Variants in RAB33A observed in about 807,000 individuals in gnomAD.
RAB33A encodes RAB33A, member RAS oncogene family, also known as ras-related protein Rab-33A.
In RAB33A, 6 loss-of-function variants were observed where a neutral mutation model predicts 12.0. That is an observed-to-expected ratio of 0.50 (90% confidence interval 0.27 to 0.99). The LOEUF is 0.99. Among genes scored for constraint, RAB33A ranks in the 50% least tolerant of loss-of-function variants. RAB33A has a pLI of 0.11. For missense variants in RAB33A, 109 were observed against 192.0 expected (o/e 0.57, Z 2.55); for synonymous variants, 70 against 82.4 (o/e 0.85, Z 0.81).
At chrX:130,169,168 A>T (rs1477350140), upstream of RAB33A, among the ~76,000 whole-genome samples, 5 of 105,946 alleles carry the variant, frequency 4.7e-5, no homozygotes, top group Admixed American at 2.0e-4. Context: ...AGATTGTGTC[A>T]CTGCACTCCA....
the RAB33A span, chrX:130,136,280 C>A: frequency 3.8e-6 from 4 of 1,049,342 alleles, no homozygotes; most frequent in Non-Finnish European, 5.3e-6. Flanking sequence ...AGAATTGGGA[C>A]TTTAAAAAAT....
chrX:130,135,739 A>G, the RAB33A span, among the ~76,000 whole-genome samples: 2 of 112,171 alleles, frequency 1.8e-5, no homozygotes, highest in Admixed American at 9.5e-5. Context: ...CAGCAGATCC[A>G]TCTGAAGGCT....
chrX:130,118,168 A>G, the RAB33A span, among the ~76,000 whole-genome samples: 1 of 112,542 alleles, frequency 8.9e-6, no homozygotes. Flanking sequence ...GGTGGCAGTA[A>G]AGCCAGATTC....
At chrX:130,145,443 G>A in the RAB33A span, 12 of 1,079,191 alleles carry the variant, frequency 1.1e-5, no homozygotes, top group African/African-American at 7.3e-5. Flanking sequence ...GGGCAAGTAC[G>A]TAGAGCCTGA....
the RAB33A span, among the ~76,000 whole-genome samples, chrX:130,151,614 C>A: frequency 7.1e-5 from 8 of 112,040 alleles, no homozygotes; most frequent in Non-Finnish European, 1.5e-4. Context: ...AATAGTTACT[C>A]CTTGAATTTA....
At chrX:130,145,810 G>GT in the RAB33A span, among the ~76,000 whole-genome samples, 1 of 111,821 alleles carries the variant, frequency 8.9e-6, no homozygotes. Context: ...GACAATCTGG[G>GT]TTGTAATAAC....
chrX:130,166,261 A>G, the RAB33A span, among the ~76,000 whole-genome samples: 1 of 111,273 alleles, frequency 9.0e-6, no homozygotes, highest in Non-Finnish European at 1.9e-5. Context: ...TCCGGCGTGT[A>G]CTTCCATCTT....
chrX:130,173,595 T>C (rs775869444), intron 1 of RAB33A, among the ~76,000 whole-genome samples: 1 of 112,204 alleles, frequency 8.9e-6, no homozygotes, highest in Non-Finnish European at 1.9e-5. Flanking sequence ...GTCAGGAAGA[T>C]GGACAGCTCA....
At chrX:130,137,572 T>C in the RAB33A span, 2 of 1,156,512 alleles carry the variant, frequency 1.7e-6, no homozygotes, top group Middle Eastern at 2.3e-4. Context: ...ACATTCCAAC[T>C]GGAGCTCACA....
the RAB33A span, chrX:130,165,953 TG>T: frequency 2.8e-6 from 1 of 363,276 alleles, no homozygotes; most frequent in African/African-American, 2.6e-5. Context: ...GCAAAGACGC[TG>T]GCTCTAGGTA....
At chrX:130,161,609 C>CT in the RAB33A span, among the ~76,000 whole-genome samples, 526 of 96,485 alleles carry the variant, frequency 5.5e-3, 4 homozygotes, top group African/African-American at 0.014. Flanking sequence ...ATTTATCAGC[C>CT]TTTTTTTTTT....
At chrX:130,149,948 G>C in the RAB33A span, among the ~76,000 whole-genome samples, 1 of 112,150 alleles carries the variant, frequency 8.9e-6, no homozygotes, top group Non-Finnish European at 1.9e-5. Flanking sequence ...GACTACGCTG[G>C]ACACTAGCTG....
upstream of RAB33A, among the ~76,000 whole-genome samples, chrX:130,171,067 G>A (rs1228042959): frequency 1.8e-5 from 2 of 113,069 alleles, no homozygotes; most frequent in Non-Finnish European, 3.8e-5. Context: ...GGGTGCGCGT[G>A]GTGTGATAAG....
At chrX:130,128,572 C>G in the RAB33A span, among the ~76,000 whole-genome samples, 3 of 112,001 alleles carry the variant, frequency 2.7e-5, no homozygotes, top group Non-Finnish European at 5.6e-5. Flanking sequence ...AACTCCATCT[C>G]AAAATAATAA....
chrX:130,137,152 A>T, the RAB33A span: 2 of 1,211,338 alleles, frequency 1.7e-6, no homozygotes, highest in African/African-American at 3.5e-5. Context: ...TTTCTCGGGG[A>T]AGAGTTGAAT....
At chrX:130,135,816 C>A in the RAB33A span, among the ~76,000 whole-genome samples, 1 of 111,498 alleles carries the variant, frequency 9.0e-6, no homozygotes, top group South Asian at 3.7e-4. Flanking sequence ...AAGAGCTCTA[C>A]CCCTGCAGGC....
At chrX:130,165,642 T>G in the RAB33A span, 1 of 1,199,583 alleles carries the variant, frequency 8.3e-7, no homozygotes, top group South Asian at 1.8e-5. Flanking sequence ...CCGCCAGGCC[T>G]CCACACCGGA....
At chrX:130,155,005 A>G in the RAB33A span, 1 of 692,683 alleles carries the variant, frequency 1.4e-6, no homozygotes, top group Non-Finnish European at 2.2e-6. Flanking sequence ...AGATTTGAGG[A>G]CTCTCTAGTG....
chrX:130,136,413 A>C, the RAB33A span, among the ~76,000 whole-genome samples: 87 of 112,351 alleles, frequency 7.7e-4, no homozygotes, highest in African/African-American at 2.6e-3. Flanking sequence ...CCAGGACTCA[A>C]AACTCTGTGA....
Sources: allele counts gnomAD v4.1 joint callset (sites outside exome capture counted in the v4.1 genomes callset), GRCh38; gene constraint gnomAD v4.1.1; transcripts MANE v1.5; gene names NCBI Gene and HGNC (gene_info 2026-07-23, HGNC 2026-07-21).